Variants in CCDC148 observed in about 807,000 individuals in gnomAD.
CCDC148 encodes the protein coiled-coil domain-containing protein 148.
CCDC148 carries 89 observed loss-of-function variants against 85.7 expected under a neutral mutation model. The ratio of observed to expected loss-of-function variants is 1.04; its 90% CI spans 0.87 to 1.24. The LOEUF (loss-of-function observed/expected upper bound fraction) is 1.24. Among genes scored for constraint, CCDC148 ranks in the 50% most tolerant of loss-of-function variants. The pLI is 0.00. For synonymous variants in CCDC148, 230 were observed against 213.9 expected, an observed-to-expected ratio of 1.08 and a Z score of -0.66; for missense variants, 692 against 671.7, an observed-to-expected ratio of 1.03 and a Z score of -0.33.
chr2:158,251,972 T>A (rs2105143015), intron 9 of CCDC148, among the ~76,000 whole-genome samples: 1 of 151,846 alleles, frequency 6.6e-6, no homozygotes, highest in South Asian at 2.1e-4. Flanking sequence ...ATTATCCTTG[T>A]AAGCAGGAAA....
At chr2:158,214,526 A>G (rs1686746897) in intron 11 of CCDC148, among the ~76,000 whole-genome samples, 1 of 152,238 alleles carries the variant, frequency 6.6e-6, no homozygotes, top group Non-Finnish European at 1.5e-5. Context: ...TAAAGCTTTC[A>G]ACCCAAGAGG....
intron 9 of CCDC148, among the ~76,000 whole-genome samples, chr2:158,282,224 G>A (rs1218827755): frequency 6.6e-6 from 1 of 152,078 alleles, no homozygotes; most frequent in Non-Finnish European, 1.5e-5. Flanking sequence ...GCACAAGACA[G>A]GGATGCCCTC....
chr2:158,403,046 G>A (rs1356230181), intron 1 of CCDC148, among the ~76,000 whole-genome samples: 2 of 152,124 alleles, frequency 1.3e-5, no homozygotes, highest in Non-Finnish European at 2.9e-5. Context: ...AAGAAAGAAA[G>A]AGTTTCTTGG....
intron 9 of CCDC148, among the ~76,000 whole-genome samples, chr2:158,298,578 G>A (rs1691303727): frequency 6.6e-6 from 1 of 151,618 alleles, no homozygotes; most frequent in African/African-American, 2.4e-5. Flanking sequence ...TGTGCTTCAG[G>A]TGGAATATTT....
intron 7 of CCDC148, among the ~76,000 whole-genome samples, chr2:158,318,522 G>C (rs1692383389): frequency 6.6e-6 from 1 of 152,146 alleles, no homozygotes; most frequent in Admixed American, 6.5e-5. Flanking sequence ...CAGAATAGGA[G>C]GCTAAGAGAT....
intron 9 of CCDC148, among the ~76,000 whole-genome samples, chr2:158,281,359 A>C (rs1253833044): frequency 1.3e-5 from 2 of 152,210 alleles, no homozygotes; most frequent in East Asian, 1.9e-4. Context: ...TGAAAGGATC[A>C]ACAAAATTGA....
chr2:158,237,129 C>T (rs925997384), intron 10 of CCDC148, among the ~76,000 whole-genome samples: 19 of 152,082 alleles, frequency 1.2e-4, no homozygotes, highest in African/African-American at 4.6e-4. Context: ...AGGACATATG[C>T]TCGAGTGTTC....
chr2:158,380,044 T>C (rs1684807949), intron 1 of CCDC148, among the ~76,000 whole-genome samples: 1 of 152,150 alleles, frequency 6.6e-6, no homozygotes, highest in Admixed American at 6.6e-5. Context: ...TACTTCAGCC[T>C]CTTGAGTAGC....
intron 1 of CCDC148, among the ~76,000 whole-genome samples, chr2:158,421,876 A>G (rs1350889950): frequency 6.6e-6 from 1 of 152,090 alleles, no homozygotes; most frequent in Non-Finnish European, 1.5e-5. Context: ...AGAAGAATCA[A>G]ATAGACGCAA....
intron 1 of CCDC148, among the ~76,000 whole-genome samples, chr2:158,404,341 C>T (rs1034676721): frequency 6.6e-6 from 1 of 152,044 alleles, no homozygotes; most frequent in Non-Finnish European, 1.5e-5. Context: ...TGCTACACAA[C>T]ATGAAATACA....
At chr2:158,183,439 C>T (rs1196471278) in intron 11 of CCDC148, among the ~76,000 whole-genome samples, 1 of 152,088 alleles carries the variant, frequency 6.6e-6, no homozygotes. Flanking sequence ...ATGATAAGTA[C>T]CAAATCTTGA....
At chr2:158,351,371 G>A (rs1204080139) in intron 2 of CCDC148, among the ~76,000 whole-genome samples, 2 of 152,210 alleles carry the variant, frequency 1.3e-5, no homozygotes, top group Non-Finnish European at 2.9e-5. Context: ...CAGGTCAGTG[G>A]GTGGGCGCAA....
chr2:158,209,156 G>A (rs1395961852), intron 11 of CCDC148, among the ~76,000 whole-genome samples: 1 of 150,804 alleles, frequency 6.6e-6, no homozygotes, highest in Non-Finnish European at 1.5e-5. Context: ...TTTTTCAGGG[G>A]TAGTCCCCCA....
At chr2:158,236,600 G>A (rs1180856700) in intron 10 of CCDC148, among the ~76,000 whole-genome samples, 1 of 152,060 alleles carries the variant, frequency 6.6e-6, no homozygotes, top group Non-Finnish European at 1.5e-5. Flanking sequence ...ATTCAATCAT[G>A]ACTTAGAACC....
chr2:158,334,476 G>A (rs896273022), intron 7 of CCDC148, among the ~76,000 whole-genome samples: 3 of 66,316 alleles, frequency 4.5e-5, no homozygotes, highest in African/African-American at 2.2e-4. Flanking sequence ...ACTTCTCTGC[G>A]TAACAATTAT....
chr2:158,324,097 T>C (rs1226280791), intron 7 of CCDC148, among the ~76,000 whole-genome samples: 1 of 151,928 alleles, frequency 6.6e-6, no homozygotes, highest in Non-Finnish European at 1.5e-5. Context: ...TTTGTATTTT[T>C]AGTAGAGACG....
In CCDC148 at chr2:158,287,590, T is replaced by C. The variant is rs566146771; in HGVS notation, c.1110+21843A>G. Among the ~76,000 whole-genome samples, 10 of 152,354 alleles carry C rather than the reference T, an allele frequency of 6.6e-5. No homozygotes were observed. The South Asian group carries it at 1.4e-3, about 22-fold the overall frequency. ...ATCTTAAAGTTACAAAATGATCTCC[T>C]TTGACTCCTGTCTCAAATCCCGGTC... On this transcript the variant is annotated intron_variant, in intron 9 of 13. Coordinates refer to ENST00000283233, the MANE Select transcript of CCDC148 (RefSeq NM_138803.4).
chr2:158,176,723 T>C (rs1325427088), intron 12 of CCDC148, 62 bp from the exon 13 acceptor site: 3 of 1,577,546 alleles, frequency 1.9e-6, no homozygotes, highest in Non-Finnish European at 2.6e-6. Context: ...CTGGGCAACA[T>C]TATTGATGTC....
chr2:158,423,390 C>T (rs902843159), intron 1 of CCDC148, among the ~76,000 whole-genome samples: 2 of 151,860 alleles, frequency 1.3e-5, no homozygotes, highest in Non-Finnish European at 2.9e-5. Context: ...GAGATATAGA[C>T]CAATGGAATA....
Sources: gnomAD v4.1 joint callset for allele counts (sites outside exome capture counted in the v4.1 genomes callset) on GRCh38, gnomAD v4.1.1 for gene constraint, MANE v1.5 for transcripts, NCBI Gene and HGNC (gene_info 2026-07-23, HGNC 2026-07-21) for gene names.